The following GPCPD1 variants were observed in gnomAD, a reference collection of about 807,000 sequenced individuals.
The protein encoded by GPCPD1 is glycerophosphocholine phosphodiesterase GPCPD1.
Under a neutral mutation model 89.2 loss-of-function variants are expected in GPCPD1, and 29 were observed. The observed-to-expected ratio is 0.33, with a 90% confidence interval of 0.24 to 0.44. The LOEUF is 0.44. Among genes scored for constraint, GPCPD1 ranks in the 20% least tolerant of loss-of-function variants. The pLI, the probability that GPCPD1 is intolerant of heterozygous loss-of-function variation, is 1.00. For synonymous variants in GPCPD1, 258 were observed against 266.3 expected (o/e 0.97, Z 0.30); for missense variants, 594 against 808.9 (o/e 0.73, Z 3.22).
At chr20:5,564,242 T>C (rs993662606) in intron 15 of GPCPD1, among the ~76,000 whole-genome samples, 2 of 151,926 alleles carry the variant, frequency 1.3e-5, no homozygotes, top group African/African-American at 4.8e-5. Flanking sequence ...AATTTCAATA[T>C]CATCTTAAGT....
intron 19 of GPCPD1, among the ~76,000 whole-genome samples, chr20:5,551,429 G>A (rs536152372): frequency 3.6e-4 from 55 of 152,250 alleles, no homozygotes; most frequent in African/African-American, 1.2e-3. Flanking sequence ...TATCAATAAT[G>A]TTCACAGCAA....
chr20:5,549,348 A>C, intron 19 of GPCPD1: 1 of 1,147,152 alleles, frequency 8.7e-7, no homozygotes, highest in Non-Finnish European at 1.3e-6. Flanking sequence ...GAAAACAGAG[A>C]AGCTGTTACA....
In GPCPD1 at chr20:5,547,689, T is replaced by C. The variant is rs1256158337; in HGVS notation, c.1991A>G (p.Asn664Ser). The change falls in exon 20 of 20, where the codon AAC becomes AGC. Residue 664 changes from asparagine (N) to serine (S), a missense_variant. Physicochemically the swap from Asn to Ser is conservative, Grantham distance 46 (BLOSUM62 1). Coordinates refer to ENST00000379019, the MANE Select transcript of GPCPD1 (RefSeq NM_019593.5). The part of the protein sequence containing the change: ...CGESDIHVDA[N>S]GIDNVENA ...AGCATTCTCCACGTTATCAATGCCG[T>C]TGGCATCCACATGGATATCAGACTC... 2 of 1,607,126 alleles carry C rather than the reference T, an allele frequency of 1.2e-6. No homozygotes were observed. The highest frequency in any genetic ancestry group is 2.2e-5 in the East Asian group (1 of 44,810).
At chr20:5,582,186 C>CAAAAAAAA (rs1164754193) in intron 6 of GPCPD1, among the ~76,000 whole-genome samples, 14 of 36,280 alleles carry the variant, frequency 3.9e-4, no homozygotes, top group African/African-American at 8.8e-4. Flanking sequence ...ACTCCCGTCT[C>CAAAAAAAA]AAAAAAAAAA....
intron 7 of GPCPD1, 74 bp from the exon 8 acceptor site, chr20:5,578,685 C>A: frequency 1.1e-6 from 1 of 919,978 alleles, no homozygotes; most frequent in Non-Finnish European, 1.7e-6. Context: ...TGCCTAAATT[C>A]TACATTTTAA....
intron 10 of GPCPD1, among the ~76,000 whole-genome samples, chr20:5,574,719 CAG>C (rs945870567): frequency 1.7e-4 from 26 of 152,282 alleles, no homozygotes; most frequent in African/African-American, 5.8e-4. Flanking sequence ...GCCTGAACGA[CAG>C]AGACTCTGTC....
chr20:5,551,094 T>C (rs1160061436), intron 19 of GPCPD1, among the ~76,000 whole-genome samples: 1 of 152,218 alleles, frequency 6.6e-6, no homozygotes, highest in Non-Finnish European at 1.5e-5. Flanking sequence ...AGGATTATAA[T>C]GCTTTGGCCT....
At position 5,578,628 on chromosome 20, in the gene GPCPD1, AT is replaced by A; in HGVS notation, c.474-18del. On this transcript the variant is annotated intron_variant, in intron 7 of 19. Coordinates refer to ENST00000379019, the MANE Select transcript of GPCPD1 (RefSeq NM_019593.5). ...AGCTTCACCCTACGTAATAAACAAA[AT>A]AATGAGATGCAAGAAGTGGCAGAAA... 1 of 1,478,898 alleles carries A rather than the reference AT, an allele frequency of 6.8e-7. No homozygotes were observed. Among genetic ancestry groups the A allele is most frequent in the Non-Finnish European group, 9.5e-7 (1 of 1,057,570 alleles). The allele number at this position is 1,478,898 out of a possible 1,614,324, so 91.6% of individuals were successfully genotyped here. A position where few individuals can be genotyped will look rare whatever the true frequency, so the allele number is the denominator to read the frequency against.
rs1376010608 is a variant in GPCPD1, at chr20:5,597,994, T to C, written c.146+731A>G. Among the ~76,000 whole-genome samples the C allele has an allele frequency of 2.6e-5, 4 of 152,234 alleles. No individual in the cohort carries two copies. The East Asian group carries it at 5.8e-4, about 22-fold the overall frequency. Reference sequence around the variant, plus strand: ...CAAAAATTAGATCTCTTATCAAGAATATGTACTTACCATTAAAAAAAGAAA... The same window carrying C: ...CAAAAATTAGATCTCTTATCAAGAACATGTACTTACCATTAAAAAAAGAAA... On this transcript the variant is annotated intron_variant, in intron 3 of 19. Coordinates refer to ENST00000379019, the MANE Select transcript of GPCPD1 (RefSeq NM_019593.5).
At chr20:5,564,240 T>C (rs566804867) in intron 15 of GPCPD1, among the ~76,000 whole-genome samples, 7 of 152,094 alleles carry the variant, frequency 4.6e-5, no homozygotes, top group African/African-American at 1.4e-4. Context: ...GAAATTTCAA[T>C]ATCATCTTAA....
chr20:5,593,569 G>C (rs549563625), intron 3 of GPCPD1, among the ~76,000 whole-genome samples, 158 bp from the exon 4 acceptor site: 1 of 151,732 alleles, frequency 6.6e-6, no homozygotes, highest in South Asian at 2.1e-4. Flanking sequence ...CAGGCAATGG[G>C]AACACAGGGG....
rs550384656 is a variant in GPCPD1, at chr20:5,597,304, G to A, written c.146+1421C>T. Among the ~76,000 whole-genome samples the A allele has an allele frequency of 5.9e-5, 9 of 151,936 alleles. No homozygotes were observed. The East Asian group carries it at 7.7e-4, about 13-fold the overall frequency. ...TTTTTACTTTCCTTTGTTATTTTCC[G>A]TTGCTTTACCACCAGTGCTCCTCAA... On this transcript the variant is annotated intron_variant, in intron 3 of 19. Transcript: ENST00000379019.
chr20:5,595,314 T>TAATA (rs922799885), intron 3 of GPCPD1, among the ~76,000 whole-genome samples: 1 of 151,346 alleles, frequency 6.6e-6, no homozygotes, highest in Admixed American at 6.6e-5. Context: ...AATAAATAAA[T>TAATA]AATAAATAAG....
intron 11 of GPCPD1, among the ~76,000 whole-genome samples, chr20:5,571,669 G>A (rs1481530189): frequency 2.0e-5 from 3 of 152,180 alleles, no homozygotes; most frequent in African/African-American, 7.2e-5. Flanking sequence ...AGCACTTTGG[G>A]AGGCTGAGGC....
intron 11 of GPCPD1, among the ~76,000 whole-genome samples, chr20:5,570,589 C>T (rs1375134204): frequency 6.6e-6 from 1 of 152,156 alleles, no homozygotes; most frequent in Non-Finnish European, 1.5e-5. Context: ...ACATTGCTGC[C>T]CACTGCCCCT....
intron 15 of GPCPD1, among the ~76,000 whole-genome samples, chr20:5,562,089 G>C (rs1986116445): frequency 6.6e-6 from 1 of 152,126 alleles, no homozygotes. Flanking sequence ...AATGCTATCA[G>C]TGTATCTAAA....
At chr20:5,597,821 T>A (rs1400777412) in intron 3 of GPCPD1, among the ~76,000 whole-genome samples, 2 of 152,150 alleles carry the variant, frequency 1.3e-5, no homozygotes, top group Non-Finnish European at 2.9e-5. Context: ...CCTTTCTCCA[T>A]CCACTGTGCC....
intron 4 of GPCPD1, among the ~76,000 whole-genome samples, chr20:5,590,541 T>TAAAAAAAAAAAAAAAA (rs1568671052): frequency 6.4e-5 from 1 of 15,602 alleles, no homozygotes; most frequent in Non-Finnish European, 1.2e-4. Flanking sequence ...AGACTCTGTC[T>TAAAAAAAAAAAAAAAA]CAAAAAAAAA....
intron 1 of GPCPD1, among the ~76,000 whole-genome samples, chr20:5,609,982 G>A (rs1465881593): frequency 6.6e-6 from 1 of 152,182 alleles, no homozygotes; most frequent in African/African-American, 2.4e-5. Flanking sequence ...GGAGGCGACA[G>A]AAGAGTATGA....
Sources: gnomAD v4.1 joint callset for allele counts (sites outside exome capture counted in the v4.1 genomes callset) on GRCh38, gnomAD v4.1.1 for gene constraint, MANE v1.5 for transcripts, NCBI Gene and HGNC (gene_info 2026-07-23, HGNC 2026-07-21) for gene names.